The following HPCAL1 variants were observed in gnomAD, a reference collection of about 807,000 sequenced individuals.
HPCAL1 encodes the protein hippocalcin like 1, also known as hippocalcin-like protein 1.
In HPCAL1, 8 loss-of-function variants were observed where a neutral mutation model predicts 17.1. The observed-to-expected ratio is 0.47, with a 90% confidence interval of 0.27 to 0.84. The LOEUF is 0.84. Among genes scored for constraint, HPCAL1 ranks in the 40% least tolerant of loss-of-function variants. The pLI is 0.13. For missense variants in HPCAL1, 165 were observed against 271.1 expected (o/e 0.61, Z 2.75); for synonymous variants, 112 against 111.4 (o/e 1.01, Z -0.03).
In HPCAL1 at chr2:10,339,392, G is replaced by A. The variant is rs563395473; in HGVS notation, c.-111+36215G>A. Among the ~76,000 whole-genome samples the A allele has an allele frequency of 1.7e-4, 26 of 151,324 alleles. No individual in the cohort carries two copies. The South Asian group carries it at 4.6e-3, about 27-fold the overall frequency. On this transcript the variant is annotated intron_variant, in intron 1 of 4. Coordinates refer to ENST00000307845, the MANE Select transcript of HPCAL1 (RefSeq NM_002149.4). ...GCGATCTCGGCTCACTGCAACCTCC[G>A]CCTCCCGGGTTTAAGCAATTCTCTG...
intron 1 of HPCAL1, among the ~76,000 whole-genome samples, chr2:10,374,863 G>A (rs1667451842): frequency 6.6e-6 from 1 of 152,236 alleles, no homozygotes; most frequent in Non-Finnish European, 1.5e-5. Context: ...CCACCAGAGT[G>A]GAGAACTCCC....
intron 1 of HPCAL1, among the ~76,000 whole-genome samples, chr2:10,312,029 ATCATCACTGTCATCATCATCG>A (rs1662998171): frequency 1.3e-5 from 2 of 150,252 alleles, no homozygotes; most frequent in African/African-American, 2.5e-5. Context: ...GTCACCATTC[ATCATCACTGTCATCATCATCG>A]TCATCACTAT....
At chr2:10,381,090 TCTC>T (rs901097001) in intron 1 of HPCAL1, among the ~76,000 whole-genome samples, 3 of 152,180 alleles carry the variant, frequency 2.0e-5, no homozygotes, top group African/African-American at 7.2e-5. Context: ...GCCCCGGAGT[TCTC>T]ATGGGGGCTG....
intron 1 of HPCAL1, among the ~76,000 whole-genome samples, chr2:10,364,261 A>C (rs1202454096): frequency 6.6e-6 from 1 of 152,168 alleles, no homozygotes; most frequent in Non-Finnish European, 1.5e-5. Flanking sequence ...TCTGCCTGGC[A>C]TCCGGGGGTC....
Position 10,359,732 on chromosome 2 carries a change from C to A in HPCAL1, c.-110-37103C>A, listed in dbSNP as rs1382371462. ...GGGCAGTGGCAAGGCCAGGCCAGCA[C>A]CTCTCCACTCTGAGGAAGGGGCCTT... On this transcript the variant is annotated intron_variant, in intron 1 of 4. Coordinates refer to ENST00000307845, the MANE Select transcript of HPCAL1 (RefSeq NM_002149.4). The surrounding 1 kb of genome is among the most constrained non-coding windows in gnomAD (Gnocchi z 4.1). 6.6e-6 allele frequency among the ~76,000 whole-genome samples: 1 copy of A among 152,244 alleles called. No individual in the cohort carries two copies. The highest frequency in any genetic ancestry group is 2.1e-4 in the South Asian group (1 of 4,832).
At chr2:10,341,380 A>G (rs1006085491) in intron 1 of HPCAL1, among the ~76,000 whole-genome samples, 6 of 152,124 alleles carry the variant, frequency 3.9e-5, no homozygotes, top group Admixed American at 1.3e-4. Context: ...GAGCCCAGGA[A>G]GTCGAGGCTG....
At chr2:10,320,304 T>C (rs116016632) in intron 1 of HPCAL1, among the ~76,000 whole-genome samples, 2,836 of 152,242 alleles carry the variant, frequency 0.019, 62 homozygotes, top group East Asian at 0.078. Context: ...AATTGTAATC[T>C]CCAGTGTTGG....
At chr2:10,353,951 C>A (rs1665987409) in intron 1 of HPCAL1, among the ~76,000 whole-genome samples, 1 of 152,162 alleles carries the variant, frequency 6.6e-6, no homozygotes. Flanking sequence ...GATCTGCTGA[C>A]CCCTGGTCTA....
intron 2 of HPCAL1, among the ~76,000 whole-genome samples, chr2:10,399,513 G>GCTGCCACCA (rs1669417580): frequency 1.5e-5 from 1 of 67,356 alleles, no homozygotes; most frequent in Non-Finnish European, 3.0e-5. Flanking sequence ...CACCACCACC[G>GCTGCCACCA]CCGCCACCAC....
At position 10,394,639 on chromosome 2, in the gene HPCAL1, G is replaced by T. The variant is rs1668899193; in HGVS notation, c.-110-2196G>T. Among the ~76,000 whole-genome samples the T allele has an allele frequency of 6.6e-6, 1 of 152,164 alleles. No individual in the cohort carries two copies. Among genetic ancestry groups the T allele is most frequent in the African/African-American group, 2.4e-5 (1 of 41,434 alleles). On this transcript the variant is annotated intron_variant, in intron 1 of 4. Transcript: ENST00000307845. The surrounding 1 kb of genome is among the most constrained non-coding windows in gnomAD (Gnocchi z 5.0). ...CCCTAACGTGAGCTGCGGACCTGGG[G>T]GGTGATGATGGTCAGTGCAGGTCCC...
Position 10,316,436 on chromosome 2 carries a change from C to A in HPCAL1, c.-111+13259C>A, listed in dbSNP as rs116832283. Among the ~76,000 whole-genome samples the A allele has an allele frequency of 5.4e-3, 825 of 152,312 alleles. 12 individuals carry two copies. The highest frequency in any genetic ancestry group is 0.019 in the African/African-American group (781 of 41,546). On this transcript the variant is annotated intron_variant, in intron 1 of 4. Coordinates refer to ENST00000307845, the MANE Select transcript of HPCAL1 (RefSeq NM_002149.4). Reference sequence around the variant, plus strand: ...GATCCTTCTTTTTCTCTCTGTGACTCAGGCGGTTGATGTTGGGTTGACCGT... The same window carrying A: ...GATCCTTCTTTTTCTCTCTGTGACTAAGGCGGTTGATGTTGGGTTGACCGT...
chr2:10,377,212 T>A lies in HPCAL1; in HGVS notation c.-110-19623T>A, dbSNP rs1667625364. ...TTCTAGAAAGCGCTGTTGAGAGGTG[T>A]GAGGAGGCTGCCACGCAGGCCGCGC... On this transcript the variant is annotated intron_variant, in intron 1 of 4. Transcript: ENST00000307845. This position sits in a 1 kb window ranked among gnomAD's most constrained non-coding sequence, Gnocchi z 5.9. Among the ~76,000 whole-genome samples the A allele has an allele frequency of 1.3e-5, 2 of 152,066 alleles. No individual in the cohort carries two copies. The highest frequency in any genetic ancestry group is 6.5e-5 in the Admixed American group (1 of 15,274).
chr2:10,366,348 G>A (rs928973467), intron 1 of HPCAL1, among the ~76,000 whole-genome samples: 1 of 152,122 alleles, frequency 6.6e-6, no homozygotes, highest in African/African-American at 2.4e-5. Context: ...CGATTCTTGT[G>A]CCTCAGCCTC....
In HPCAL1 at chr2:10,353,429, G is replaced by A. The variant is rs561157961; in HGVS notation, c.-110-43406G>A. 7.0e-4 allele frequency among the ~76,000 whole-genome samples: 107 copies of A among 152,326 alleles called. 1 individual carries two copies. The highest frequency in any genetic ancestry group is 6.8e-3 in the Middle Eastern group (2 of 294). ...GCCAAGCTCCTGTGCCAGTGCTGTC[G>A]TGGGGGGCCCTGCCTGCAGGTGTGG... is the stretch of plus-strand genomic sequence containing the variant. On this transcript the variant is annotated intron_variant, in intron 1 of 4. Coordinates refer to ENST00000307845, the MANE Select transcript of HPCAL1 (RefSeq NM_002149.4).
chr2:10,394,131 C>CA lies in HPCAL1; in HGVS notation c.-110-2694dup, dbSNP rs35633004. On this transcript the variant is annotated intron_variant, in intron 1 of 4. Coordinates refer to ENST00000307845, the MANE Select transcript of HPCAL1 (RefSeq NM_002149.4). This position sits in a 1 kb window ranked among gnomAD's most constrained non-coding sequence, Gnocchi z 5.0. Reference sequence around the variant, plus strand: ...TCCTGTCTCCTGAAAAACAAACAAACAAAAAAAAAACCTTGTAACTAACCA... The same window carrying CA: ...TCCTGTCTCCTGAAAAACAAACAAACAAAAAAAAAAACCTTGTAACTAACCA... Among the ~76,000 whole-genome samples the CA allele has an allele frequency of 1.5e-4, 23 of 150,536 alleles. No homozygotes were observed. The highest frequency in any genetic ancestry group is 2.7e-4 in the Non-Finnish European group (18 of 67,514).
intron 2 of HPCAL1, among the ~76,000 whole-genome samples, chr2:10,399,530 T>A (rs62130182): frequency 1.2e-5 from 1 of 85,864 alleles, no homozygotes. Flanking sequence ...CCACCGCCAC[T>A]GCCACCGCCA....
Position 10,354,713 on chromosome 2 carries a change from T to C in HPCAL1, c.-110-42122T>C, listed in dbSNP as rs1666031496. Among the ~76,000 whole-genome samples, 1 of 152,248 alleles carries C rather than the reference T, an allele frequency of 6.6e-6. No individual in the cohort carries two copies. The highest frequency in any genetic ancestry group is 1.5e-5 in the Non-Finnish European group (1 of 68,046). On this transcript the variant is annotated intron_variant, in intron 1 of 4. Coordinates refer to ENST00000307845, the MANE Select transcript of HPCAL1 (RefSeq NM_002149.4). This position sits in a 1 kb window ranked among gnomAD's most constrained non-coding sequence, Gnocchi z 5.1. ...TACTGTTTACGTATTTTACTTTGAC[T>C]TCTTTCTGGGTTCTTGCATAGGCTT...
intron 3 of HPCAL1, among the ~76,000 whole-genome samples, chr2:10,422,759 C>T (rs1360220976): frequency 6.6e-6 from 1 of 152,244 alleles, no homozygotes; most frequent in Non-Finnish European, 1.5e-5. Flanking sequence ...AGCACCCTCA[C>T]CACCCTCCCA....
At chr2:10,415,270 G>C (rs568825544) in intron 2 of HPCAL1, among the ~76,000 whole-genome samples, 2 of 152,162 alleles carry the variant, frequency 1.3e-5, no homozygotes, top group East Asian at 3.9e-4. Flanking sequence ...ACCTGCTGCA[G>C]CTGCTTGTTT....
Sources: gnomAD v4.1 joint callset for allele counts (sites outside exome capture counted in the v4.1 genomes callset) on GRCh38, gnomAD v4.1.1 for gene constraint, Gnocchi (gnomAD v3.1) non-coding constraint, MANE v1.5 for transcripts, NCBI Gene and HGNC (gene_info 2026-07-23, HGNC 2026-07-21) for gene names.